The following GPM6B variants were observed in gnomAD, a reference collection of about 807,000 sequenced individuals.
The protein encoded by GPM6B is glycoprotein M6B.
Under a neutral mutation model 27.2 loss-of-function variants are expected in GPM6B, and 4 were observed. The ratio of observed to expected loss-of-function variants is 0.15; its 90% CI spans 0.07 to 0.34. The LOEUF (loss-of-function observed/expected upper bound fraction) is 0.34. Ranked by LOEUF, GPM6B falls within the 10% of genes least tolerant of loss-of-function variation. The pLI is 1.00. For synonymous variants in GPM6B, 124 were observed against 103.1 expected (o/e 1.20, Z -1.23); for missense variants, 183 against 261.9 (o/e 0.70, Z 2.08).
chrX:13,831,496 A>G (rs1212499769), intron 1 of GPM6B, among the ~76,000 whole-genome samples: 2 of 110,911 alleles, frequency 1.8e-5, no homozygotes, highest in East Asian at 5.7e-4. Context: ...AAAGAACATC[A>G]GGTAGGAAGC....
At chrX:13,908,444 C>T (rs1400991996) in intron 1 of GPM6B, among the ~76,000 whole-genome samples, 1 of 112,031 alleles carries the variant, frequency 8.9e-6, no homozygotes, top group Non-Finnish European at 1.9e-5. Context: ...AAATACCTGA[C>T]TCGTACTCTT....
intron 2 of GPM6B, among the ~76,000 whole-genome samples, chrX:13,805,085 G>T: frequency 9.0e-6 from 1 of 111,570 alleles, no homozygotes; most frequent in African/African-American, 3.3e-5. Context: ...TTCCATCAAT[G>T]CACACAAAAA....
intron 1 of GPM6B, among the ~76,000 whole-genome samples, chrX:13,839,355 TTG>T (rs1491455314): frequency 9.1e-6 from 1 of 110,234 alleles, no homozygotes; most frequent in Non-Finnish European, 1.9e-5. Context: ...TGCCTATAAC[TTG>T]TCTACCTAAA....
chrX:13,933,061 CAG>C lies in GPM6B; in HGVS notation c.-198+5264_-198+5265del, dbSNP rs1312065053. Among the ~76,000 whole-genome samples, 3 of 110,908 alleles carry C rather than the reference CAG, an allele frequency of 2.7e-5. No individual in the cohort carries two copies. The East Asian group carries it at 8.4e-4, about 31-fold the overall frequency. On this transcript the variant is annotated intron_variant, in intron 1 of 6. Transcript: ENST00000398361. ...TTTACCCTATTTTAGCATAGTTTAC[CAG>C]AGTTTGCAGTACATCAATGTTAATT... is the stretch of plus-strand genomic sequence containing the variant.
At position 13,816,986 on chromosome X, in the gene GPM6B, C is replaced by A. The variant is rs868442799; in HGVS notation, c.-82G>T. ...TCCTCTTCCTTTTCTTTTGGACTCC[C>A]CTCCGTCTCTTATTTACACCCGTCT... On this transcript the variant is annotated 5_prime_UTR_variant, in exon 1 of 8. Transcript: ENST00000316715. 2.1e-5 allele frequency: 24 copies of A among 1,145,320 alleles called. No homozygotes were observed. In the African/African-American group the frequency reaches 3.0e-4, roughly 14 times the overall value. 94.4% of individuals were successfully genotyped at this position (1,145,320 alleles called of 1,213,427 possible).
At chrX:13,777,907 T>C (rs2048443436) in intron 5 of GPM6B, among the ~76,000 whole-genome samples, 1 of 112,267 alleles carries the variant, frequency 8.9e-6, no homozygotes, top group Admixed American at 9.4e-5. Flanking sequence ...ACTCAAACTT[T>C]CATGGCAATT....
chrX:13,837,657 C>A (rs1485088140), intron 1 of GPM6B, among the ~76,000 whole-genome samples: 2 of 106,246 alleles, frequency 1.9e-5, no homozygotes, highest in Non-Finnish European at 3.9e-5. Flanking sequence ...TAGCATATTC[C>A]CCCCCTCCAC....
chrX:13,813,719 C>T (rs2049181208), intron 1 of GPM6B, among the ~76,000 whole-genome samples: 1 of 111,664 alleles, frequency 9.0e-6, no homozygotes, highest in Non-Finnish European at 1.9e-5. Context: ...CAATGGAAAC[C>T]GACTCTCCAT....
chrX:13,795,178 G>A (rs1232797434), intron 2 of GPM6B, among the ~76,000 whole-genome samples: 2 of 111,948 alleles, frequency 1.8e-5, no homozygotes, highest in South Asian at 3.7e-4. Flanking sequence ...GTCAACGTCT[G>A]GAAGATCTGC....
intron 1 of GPM6B, among the ~76,000 whole-genome samples, chrX:13,809,009 A>G (rs1157378051): frequency 8.9e-6 from 1 of 112,489 alleles, no homozygotes; most frequent in South Asian, 3.7e-4. Context: ...CTGCACAATG[A>G]AACTATTTTT....
chrX:13,930,502 T>C (rs1603148816), intron 1 of GPM6B, among the ~76,000 whole-genome samples: 2 of 111,106 alleles, frequency 1.8e-5, no homozygotes, highest in African/African-American at 3.3e-5. Context: ...TAGTCCCAGC[T>C]ACTCGAGAGA....
chrX:13,825,650 T>C (rs1461911656), intron 1 of GPM6B, among the ~76,000 whole-genome samples: 1 of 112,300 alleles, frequency 8.9e-6, no homozygotes, highest in Admixed American at 9.3e-5. Context: ...GGAAACCACT[T>C]TACAGGGGGG....
At chrX:13,915,324 A>G (rs1219007983) in intron 1 of GPM6B, among the ~76,000 whole-genome samples, 2 of 108,166 alleles carry the variant, frequency 1.8e-5, no homozygotes, top group Admixed American at 1.0e-4. Context: ...CATCATTGGT[A>G]CCATTTTAAA....
chrX:13,771,853 C>CTAATT lies in GPM6B; in HGVS notation c.*1023_*1027dup, dbSNP rs2048304761. ...ATAAGAAAAAAATGAAATACCAACCCTAATTTAAATTACTTAAGTATTCAA... is the reference window on the plus strand; with the variant it reads ...ATAAGAAAAAAATGAAATACCAACCCTAATTTAATTTAAATTACTTAAGTATTCAA... On this transcript the variant is annotated 3_prime_UTR_variant, in exon 8 of 8. Coordinates refer to ENST00000316715, the MANE Select transcript of GPM6B (RefSeq NM_001001995.3). 1.8e-5 allele frequency: 2 copies of CTAATT among 112,113 alleles called. No homozygotes were observed. The highest frequency in any genetic ancestry group is 1.9e-4 in the Admixed American group (2 of 10,537). The allele number at this position is 112,113 out of a possible 1,213,427, so 9.2% of individuals were successfully genotyped here.
At chrX:13,783,110 A>C (rs1167941629) in intron 4 of GPM6B, among the ~76,000 whole-genome samples, 1 of 112,483 alleles carries the variant, frequency 8.9e-6, no homozygotes, top group Non-Finnish European at 1.9e-5. Context: ...CATTTGAAAA[A>C]TCTTCAGCAC....
chrX:13,851,637 G>GAA (rs10668416), intron 1 of GPM6B, among the ~76,000 whole-genome samples: 42,970 of 101,005 alleles, frequency 0.43, 7,429 homozygotes, highest in Non-Finnish European at 0.46. Flanking sequence ...GGCATGCAAT[G>GAA]AAAAAAAAAA....
chrX:13,908,035 T>C (rs759094892), intron 1 of GPM6B, among the ~76,000 whole-genome samples: 3 of 112,061 alleles, frequency 2.7e-5, no homozygotes, highest in African/African-American at 6.5e-5. Flanking sequence ...GCATAATTCC[T>C]CCCATCTCAC....
intron 1 of GPM6B, among the ~76,000 whole-genome samples, chrX:13,920,118 C>A (rs769558125): frequency 9.2e-6 from 1 of 108,894 alleles, no homozygotes; most frequent in South Asian, 4.0e-4. Context: ...ACAAAACTAG[C>A]CAGGCGTGGT....
At chrX:13,849,119 A>T (rs1187115918) in intron 1 of GPM6B, among the ~76,000 whole-genome samples, 1 of 112,482 alleles carries the variant, frequency 8.9e-6, no homozygotes, top group Non-Finnish European at 1.9e-5. Flanking sequence ...ATACTCTGGT[A>T]AATTTTATAA....
Sources: allele counts gnomAD v4.1 joint callset (sites outside exome capture counted in the v4.1 genomes callset), GRCh38; gene constraint gnomAD v4.1.1; transcripts MANE v1.5; gene names NCBI Gene and HGNC (gene_info 2026-07-23, HGNC 2026-07-21).